Variants in BNIP5 observed in about 807,000 individuals in gnomAD.
BNIP5 encodes the protein protein BNIP5.
Under a neutral mutation model 67.3 loss-of-function variants are expected in BNIP5, and 61 were observed. The ratio of observed to expected loss-of-function variants is 0.91; its 90% CI spans 0.74 to 1.12. BNIP5 has a LOEUF of 1.12. Among genes scored for constraint, BNIP5 ranks in the 50% most tolerant of loss-of-function variants. The pLI is 0.00. For synonymous variants in BNIP5, 317 were observed against 319.0 expected (o/e 0.99, Z 0.07); for missense variants, 826 against 816.3 (o/e 1.01, Z -0.14).
At chr6:36,324,639 A>G (rs1771721788) in intron 6 of BNIP5, among the ~76,000 whole-genome samples, 2 of 59,656 alleles carry the variant, frequency 3.4e-5, no homozygotes, top group Admixed American at 2.5e-4. Context: ...ATATATATAT[A>G]TATATATATG....
Position 36,330,661 on chromosome 6 carries a change from GGGC to G in BNIP5, c.27_29del (p.Arg9_Pro10delinsSer), listed in dbSNP as rs1171639744. The G allele has an allele frequency of 6.3e-7, 1 of 1,591,550 alleles. No homozygotes were observed. The highest frequency in any genetic ancestry group is 1.7e-5 in the Admixed American group (1 of 58,038). Reference sequence around the variant, plus strand: ...GAGACCTGGCTTTCTTCTCCGCCAGGGGCCTCCTTGGGCACCTTGGATTCTCCA... The same window carrying G: ...GAGACCTGGCTTTCTTCTCCGCCAGGCTCCTTGGGCACCTTGGATTCTCCA... On this transcript the variant is annotated inframe_deletion, in exon 2 of 12. Transcript: ENST00000437635.
At chr6:36,320,812 G>C (rs1771617618) in intron 10 of BNIP5, among the ~76,000 whole-genome samples, 1 of 152,194 alleles carries the variant, frequency 6.6e-6, no homozygotes, top group Admixed American at 6.5e-5. Context: ...GTGGGGCCAG[G>C]AGTGGCCAGG....
intron 1 of BNIP5, among the ~76,000 whole-genome samples, chr6:36,330,954 G>T (rs1190525479): frequency 6.6e-6 from 1 of 152,066 alleles, no homozygotes; most frequent in East Asian, 1.9e-4. Context: ...AGTAGAGATG[G>T]GGTTTCACCG....
At chr6:36,317,740 C>T (rs76193678) in intron 11 of BNIP5, among the ~76,000 whole-genome samples, 1 of 152,274 alleles carries the variant, frequency 6.6e-6, no homozygotes, top group South Asian at 2.1e-4. Flanking sequence ...AAGGCAGAAC[C>T]TTCCACAGAG....
chr6:36,336,007 G>A (rs1317786022), intron 1 of BNIP5, among the ~76,000 whole-genome samples: 1 of 152,104 alleles, frequency 6.6e-6, no homozygotes, highest in Non-Finnish European at 1.5e-5. Context: ...AATCACGTGT[G>A]CCTAGGTATA....
At chr6:36,324,015 A>AAT in intron 7 of BNIP5, 114 bp downstream of exon 7, 3 of 779,278 alleles carry the variant, frequency 3.8e-6, no homozygotes, top group Non-Finnish European at 6.5e-6. Context: ...AAAAAAAAAA[A>AAT]GGAGGGACTG....
At chr6:36,324,072 G>T in intron 7 of BNIP5, 57 bp downstream of exon 7, 1 of 1,298,744 alleles carries the variant, frequency 7.7e-7, no homozygotes, top group Non-Finnish European at 1.1e-6. Context: ...TGTTACACCA[G>T]GCAGGGTTGG....
chr6:36,331,147 T>C (rs1771897083), intron 1 of BNIP5, among the ~76,000 whole-genome samples: 2 of 152,230 alleles, frequency 1.3e-5, no homozygotes, highest in Non-Finnish European at 2.9e-5. Flanking sequence ...CCCTGCCCAC[T>C]AACGTGAGTA....
intron 7 of BNIP5, 77 bp from the exon 8 acceptor site, chr6:36,323,610 C>G: frequency 6.4e-7 from 1 of 1,550,670 alleles, no homozygotes; most frequent in Non-Finnish European, 8.8e-7. Flanking sequence ...GAAAGAGAGC[C>G]ACGGTGGGCT....
Position 36,330,632 on chromosome 6 carries a change from T to C in BNIP5, c.59A>G (p.Asp20Gly). Residue 20 changes from aspartate (D) to glycine (G), a missense_variant, in exon 2 of 12, where the codon GAC becomes GGC. Coordinates refer to ENST00000437635, the MANE Select transcript of BNIP5 (RefSeq NM_001010903.5). Reference sequence around the variant, plus strand: ...GCCTTTCCCGGGGGCCTGCGGCCTGTCCAGAGACCTGGCTTTCTTCTCCGC... The same window carrying C: ...GCCTTTCCCGGGGGCCTGCGGCCTGCCCAGAGACCTGGCTTTCTTCTCCGC... ...PLAEKKARSL[D>G]RPQAPGKGSE... 2 of 1,606,544 alleles carry C rather than the reference T, an allele frequency of 1.2e-6. No individual in the cohort carries two copies. The highest frequency in any genetic ancestry group is 1.1e-5 in the South Asian group (1 of 90,976).
chr6:36,329,140 A>G (rs1771828974), intron 2 of BNIP5, among the ~76,000 whole-genome samples: 2 of 152,220 alleles, frequency 1.3e-5, no homozygotes, highest in Non-Finnish European at 2.9e-5. Context: ...GCTCAAGGTC[A>G]CACAGCAAGT....
chr6:36,324,644 T>C (rs1390677758), intron 6 of BNIP5, among the ~76,000 whole-genome samples: 4 of 71,006 alleles, frequency 5.6e-5, no homozygotes, highest in Non-Finnish European at 1.0e-4. Flanking sequence ...TATATATATA[T>C]ATATGTTTCT....
intron 10 of BNIP5, among the ~76,000 whole-genome samples, chr6:36,320,797 G>C (rs1008347167): frequency 3.9e-5 from 6 of 152,200 alleles, no homozygotes; most frequent in Admixed American, 1.3e-4. Context: ...GAATCAGCCG[G>C]GCGGGTGGGG....
Position 36,323,265 on chromosome 6 carries a change from T to C in BNIP5, c.1471+28A>G, listed in dbSNP as rs747128748. 3.1e-6 allele frequency: 5 copies of C among 1,613,262 alleles called. No individual in the cohort carries two copies. The Admixed American group carries it at 8.3e-5, about 27-fold the overall frequency. On this transcript the variant is annotated intron_variant, in intron 8 of 11. Transcript: ENST00000437635. The stretch of plus-strand genomic sequence containing the variant: ...AGCCTTGCCCAAGAGGAAGCCTCTG[T>C]TACCATGGCAACACCAGGCCTGCTC...
At chr6:36,328,470 A>G in intron 3 of BNIP5, 128 bp downstream of exon 3, 1 of 615,526 alleles carries the variant, frequency 1.6e-6, no homozygotes, top group East Asian at 2.6e-5. Flanking sequence ...AAAAGAGGCA[A>G]GAAAGGCCAG....
rs936942235 is a variant in BNIP5 at position 36,316,517 on chromosome 6, G to A, written c.*839C>T. 1.0e-5 allele frequency: 4 copies of A among 398,638 alleles called. No individual in the cohort carries two copies. Among genetic ancestry groups the A allele is most frequent in the African/African-American group, 4.1e-5 (2 of 48,738 alleles). 24.7% of individuals were successfully genotyped at this position (398,638 alleles called of 1,614,324 possible). On this transcript the variant is annotated 3_prime_UTR_variant, in exon 12 of 12. Transcript: ENST00000437635. The stretch of plus-strand genomic sequence containing the variant: ...GTCTAGGACATGAATAGTACCTCCT[G>A]GAGTATGGTGCTCTTGAGCAGTGCA...
Position 36,317,055 on chromosome 6 carries a change from G to A in BNIP5, c.*301C>T. 2 of 468,950 alleles carry A rather than the reference G, an allele frequency of 4.3e-6. No homozygotes were observed. The highest frequency in any genetic ancestry group is 7.5e-6 in the Non-Finnish European group (2 of 267,098). The allele number at this position is 468,950 out of a possible 1,614,324, so 29.0% of individuals were successfully genotyped here. On this transcript the variant is annotated 3_prime_UTR_variant, in exon 12 of 12. Transcript: ENST00000437635. ...CTAGACTCCAAAGTCTGGAGAGGAGGGGGAATGTGTAGAGGGTCATGCAGC... is the reference window on the plus strand; with the variant it reads ...CTAGACTCCAAAGTCTGGAGAGGAGAGGGAATGTGTAGAGGGTCATGCAGC...
chr6:36,334,277 C>A (rs1191162497), intron 1 of BNIP5, among the ~76,000 whole-genome samples: 1 of 152,226 alleles, frequency 6.6e-6, no homozygotes, highest in Admixed American at 6.5e-5. Flanking sequence ...GCCAGGAGCC[C>A]CCGCAGCTGC....
chr6:36,322,681 G>A (rs1355797776), intron 8 of BNIP5, among the ~76,000 whole-genome samples: 1 of 152,170 alleles, frequency 6.6e-6, no homozygotes, highest in Non-Finnish European at 1.5e-5. Context: ...AGTTAAAACA[G>A]GTGTGCCAGC....
Sources: gnomAD v4.1 joint callset for allele counts (sites outside exome capture counted in the v4.1 genomes callset) on GRCh38, gnomAD v4.1.1 for gene constraint, MANE v1.5 for transcripts, NCBI Gene and HGNC (gene_info 2026-07-23, HGNC 2026-07-21) for gene names.